The following RBFOX1 variants were observed in gnomAD, a reference collection of about 807,000 sequenced individuals.
The protein encoded by RBFOX1 is RNA binding fox-1 homolog 1.
A neutral mutation model predicts 57.7 loss-of-function variants in RBFOX1; 8 were observed. The observed-to-expected ratio is 0.14, with a 90% CI of 0.08 to 0.25. The LOEUF (loss-of-function observed/expected upper bound fraction) is 0.25. Ranked by LOEUF, RBFOX1 falls within the 10% of genes least tolerant of loss-of-function variation. The pLI is 1.00. For synonymous variants in RBFOX1, 326 were observed against 222.4 expected, an observed-to-expected ratio of 1.47 and a Z score of -4.15; for missense variants, 611 against 548.5, an observed-to-expected ratio of 1.11 and a Z score of -1.14.
chr16:6,417,305 C>T (rs968932536), intron 2 of RBFOX1, among the ~76,000 whole-genome samples: 2 of 149,942 alleles, frequency 1.3e-5, no homozygotes, highest in South Asian at 2.1e-4. Flanking sequence ...CCACCATGCC[C>T]GGCTGAATTT....
chr16:5,751,785 A>T lies in RBFOX1; in HGVS notation c.319-115518A>T, dbSNP rs191845536. ...TTAGTGTTTACTCCAAACCTCAACT[A>T]TATTAAACCCATTTTAATGGTTTTT... On this transcript the variant is annotated intron_variant, in intron 3 of 19. Transcript: ENST00000641259. Among the ~76,000 whole-genome samples, 4 of 152,382 alleles carry T rather than the reference A, an allele frequency of 2.6e-5. No individual in the cohort carries two copies. The East Asian group carries it at 5.8e-4, about 22-fold the overall frequency.
intron 2 of RBFOX1, among the ~76,000 whole-genome samples, chr16:6,646,923 G>A (rs1247849453): frequency 6.6e-6 from 1 of 152,174 alleles, no homozygotes; most frequent in Non-Finnish European, 1.5e-5. Context: ...GTGTACACAT[G>A]ATCCCACGTC....
intron 2 of RBFOX1, among the ~76,000 whole-genome samples, chr16:5,578,948 A>C (rs1198361187): frequency 7.0e-6 from 1 of 142,860 alleles, no homozygotes; most frequent in African/African-American, 2.6e-5. Context: ...CCTGGGTTCT[A>C]GTGATTCTCC....
At chr16:5,526,233 A>G (rs2044240440) in intron 2 of RBFOX1, among the ~76,000 whole-genome samples, 2 of 152,080 alleles carry the variant, frequency 1.3e-5, no homozygotes, top group Admixed American at 1.3e-4. Flanking sequence ...CCTTTCCAAG[A>G]TCTTTCATGC....
At chr16:5,692,980 C>G (rs996876452) in intron 3 of RBFOX1, among the ~76,000 whole-genome samples, 2 of 152,200 alleles carry the variant, frequency 1.3e-5, no homozygotes, top group African/African-American at 4.8e-5. Context: ...TCTGGACTCA[C>G]TACACAATTC....
chr16:7,250,264 A>T (rs769556984), intron 4 of RBFOX1, among the ~76,000 whole-genome samples: 6 of 152,220 alleles, frequency 3.9e-5, no homozygotes, highest in African/African-American at 9.6e-5. Context: ...ATTAGGTGAA[A>T]AATAACACTG....
intron 2 of RBFOX1, among the ~76,000 whole-genome samples, chr16:6,643,537 C>G (rs964533665): frequency 2.6e-5 from 4 of 152,114 alleles, no homozygotes; most frequent in Admixed American, 6.6e-5. Flanking sequence ...CAGAGTTACT[C>G]AAGTTTTGAA....
chr16:6,744,168 C>G (rs2073012522), intron 3 of RBFOX1, among the ~76,000 whole-genome samples: 1 of 152,038 alleles, frequency 6.6e-6, no homozygotes. Flanking sequence ...GAAAAGGTGA[C>G]TTAATCAAGA....
At chr16:5,400,182 C>T (rs2066674751) in intron 1 of RBFOX1, among the ~76,000 whole-genome samples, 1 of 151,970 alleles carries the variant, frequency 6.6e-6, no homozygotes, top group African/African-American at 2.4e-5. Context: ...ACCTCTGCCT[C>T]CCGGGTTCAA....
chr16:6,821,292 C>G (rs1419593535), intron 3 of RBFOX1, among the ~76,000 whole-genome samples: 1 of 152,128 alleles, frequency 6.6e-6, no homozygotes, highest in African/African-American at 2.4e-5. Flanking sequence ...GTGGTGCTTT[C>G]CTCTCTTCCC....
chr16:5,758,481 C>G (rs1165485700), intron 3 of RBFOX1, among the ~76,000 whole-genome samples: 2 of 152,160 alleles, frequency 1.3e-5, no homozygotes, highest in African/African-American at 2.4e-5. Flanking sequence ...CACAGTGGCC[C>G]TGTCTGTTGG....
chr16:5,637,890 G>T (rs1336512386), intron 3 of RBFOX1, among the ~76,000 whole-genome samples: 1 of 152,184 alleles, frequency 6.6e-6, no homozygotes, highest in Non-Finnish European at 1.5e-5. Flanking sequence ...ACTCCCTGGA[G>T]GAAATGACCC....
intron 1 of RBFOX1, among the ~76,000 whole-genome samples, chr16:6,246,985 G>C (rs920334300): frequency 6.6e-6 from 1 of 152,092 alleles, no homozygotes; most frequent in East Asian, 1.9e-4. Flanking sequence ...CAGGAGAATC[G>C]CTTGAACCCA....
At chr16:5,968,998 C>G (rs942772758) in intron 4 of RBFOX1, among the ~76,000 whole-genome samples, 18 of 151,966 alleles carry the variant, frequency 1.2e-4, no homozygotes, top group South Asian at 4.2e-4. Context: ...TTGATTTGCC[C>G]TTAGGTTTTT....
chr16:6,899,842 C>T (rs551406069), intron 3 of RBFOX1, among the ~76,000 whole-genome samples: 105 of 152,152 alleles, frequency 6.9e-4, no homozygotes, highest in Non-Finnish European at 1.4e-3. Flanking sequence ...AGGAGCATTT[C>T]GTTAGTAAAT....
chr16:7,667,357 C>T (rs1279171676), intron 13 of RBFOX1, among the ~76,000 whole-genome samples: 1 of 152,132 alleles, frequency 6.6e-6, no homozygotes, highest in Non-Finnish European at 1.5e-5. Context: ...ATGTTCTGCA[C>T]CACAGAATAT....
In RBFOX1 at chr16:6,330,767, A is replaced by G. The variant is rs575331700; in HGVS notation, c.-64+13710A>G. Among the ~76,000 whole-genome samples the G allele has an allele frequency of 5.9e-5, 9 of 152,334 alleles. No individual in the cohort carries two copies. In the East Asian group the frequency reaches 1.7e-3, roughly 29 times the overall value. Reference sequence around the variant, plus strand: ...ATTACAAATCACAGTGAGTGCTGCAATGTAAACACACCAGCGTGTGATAAG... The same window carrying G: ...ATTACAAATCACAGTGAGTGCTGCAGTGTAAACACACCAGCGTGTGATAAG... On this transcript the variant is annotated intron_variant, in intron 2 of 15. Transcript: ENST00000550418.
intron 3 of RBFOX1, among the ~76,000 whole-genome samples, chr16:6,742,270 A>C (rs1369330736): frequency 6.6e-6 from 1 of 152,216 alleles, no homozygotes; most frequent in Non-Finnish European, 1.5e-5. Flanking sequence ...AATGCAGATT[A>C]AGAATATAAT....
At chr16:7,635,683 C>G (rs79589658) in intron 11 of RBFOX1, among the ~76,000 whole-genome samples, 3,841 of 152,120 alleles carry the variant, frequency 0.025, 181 homozygotes, top group African/African-American at 0.089. Context: ...ACATTGTGAC[C>G]GTCTCCCTTT....
Sources: allele counts gnomAD v4.1 joint callset (sites outside exome capture counted in the v4.1 genomes callset), GRCh38; gene constraint gnomAD v4.1.1; transcripts MANE v1.5; gene names NCBI Gene and HGNC (gene_info 2026-07-23, HGNC 2026-07-21).